MSRA: variants seen among roughly 807,000 people sequenced by gnomAD.
MSRA encodes methionine sulfoxide reductase A.
A neutral mutation model predicts 31.3 loss-of-function variants in MSRA; 54 were observed. The observed-to-expected ratio is 1.73, with a 90% CI of 1.39 to 2.17. The LOEUF is 2.17. MSRA is among the 30% of genes most tolerant of loss of function. The probability of loss-of-function intolerance (pLI) is 0.00; values close to 1 mark genes in which losing one functional copy is unlikely to be tolerated. For synonymous variants in MSRA, 169 were observed against 116.5 expected (o/e 1.45, Z -2.90); for missense variants, 507 against 300.9 (o/e 1.69, Z -5.07).
chr8:10,263,391 G>C (rs1390153823), intron 3 of MSRA, among the ~76,000 whole-genome samples: 1 of 152,188 alleles, frequency 6.6e-6, no homozygotes, highest in East Asian at 1.9e-4. Context: ...TAAAGGACTT[G>C]AGTTCTACCA....
chr8:10,328,693 A>G (rs1802520119), intron 5 of MSRA, among the ~76,000 whole-genome samples: 1 of 152,210 alleles, frequency 6.6e-6, no homozygotes, highest in South Asian at 2.1e-4. Flanking sequence ...ACTTCTAATC[A>G]GAGAGCCTAA....
chr8:10,244,431 A>G (rs1488054632), intron 2 of MSRA, among the ~76,000 whole-genome samples: 1 of 152,192 alleles, frequency 6.6e-6, no homozygotes, highest in Non-Finnish European at 1.5e-5. Flanking sequence ...AATGTTTGCT[A>G]GTTGAATGGA....
At chr8:10,139,400 G>A (rs958873964) in intron 1 of MSRA, among the ~76,000 whole-genome samples, 1 of 152,050 alleles carries the variant, frequency 6.6e-6, no homozygotes, top group South Asian at 2.1e-4. Flanking sequence ...ATTCGGGGGC[G>A]GGGGACAAGT....
At chr8:10,413,235 C>T (rs1490627488) in intron 5 of MSRA, among the ~76,000 whole-genome samples, 1 of 152,174 alleles carries the variant, frequency 6.6e-6, no homozygotes, top group Non-Finnish European at 1.5e-5. Flanking sequence ...TGCTCTAGCG[C>T]ACACACAGCC....
At chr8:10,407,087 G>T (rs1293521420) in intron 5 of MSRA, among the ~76,000 whole-genome samples, 1 of 152,288 alleles carries the variant, frequency 6.6e-6, no homozygotes, top group South Asian at 2.1e-4. Context: ...GTGTTACCCA[G>T]GCTGATCTTG....
At chr8:10,260,262 C>T (rs1433937459) in intron 3 of MSRA, among the ~76,000 whole-genome samples, 1 of 152,174 alleles carries the variant, frequency 6.6e-6, no homozygotes, top group Non-Finnish European at 1.5e-5. Flanking sequence ...AGGGATCTCA[C>T]ATGACAAGTA....
At chr8:10,128,114 A>G (rs1205933336) in intron 1 of MSRA, among the ~76,000 whole-genome samples, 1 of 152,128 alleles carries the variant, frequency 6.6e-6, no homozygotes, top group East Asian at 1.9e-4. Context: ...GCGATGGCTC[A>G]CACCTGTAAT....
At chr8:10,184,877 C>G (rs1202240874) in intron 1 of MSRA, among the ~76,000 whole-genome samples, 1 of 152,170 alleles carries the variant, frequency 6.6e-6, no homozygotes, top group Non-Finnish European at 1.5e-5. Flanking sequence ...GAAAAATAGC[C>G]TGATTTTATC....
At chr8:10,081,197 G>A (rs559162503) in intron 1 of MSRA, among the ~76,000 whole-genome samples, 28 of 152,204 alleles carry the variant, frequency 1.8e-4, no homozygotes, top group Admixed American at 3.9e-4. Context: ...GAACTAGGCG[G>A]ATGGGGCAGT....
intron 1 of MSRA, among the ~76,000 whole-genome samples, chr8:10,056,406 C>G (rs935736634): frequency 6.6e-6 from 1 of 152,068 alleles, no homozygotes; most frequent in African/African-American, 2.4e-5. Flanking sequence ...TTTCTTATCC[C>G]CATCATAACT....
chr8:10,151,478 C>T (rs1355561991), intron 1 of MSRA, among the ~76,000 whole-genome samples: 2 of 151,620 alleles, frequency 1.3e-5, no homozygotes, highest in Non-Finnish European at 2.9e-5. Flanking sequence ...CCCGTCTCTA[C>T]TAAAAATACA....
At chr8:10,153,447 A>T (rs143984299) in intron 1 of MSRA, among the ~76,000 whole-genome samples, 4 of 151,712 alleles carry the variant, frequency 2.6e-5, no homozygotes, top group African/African-American at 4.8e-5. Context: ...ACTCCCTCAC[A>T]TTTGGTTGTC....
rs184516831 is a variant in MSRA, at chr8:10,198,269, T to A, written c.143-9564T>A. ...ACAGCATCACCATGCTTCCTTCTTG[T>A]TATTTTCCTTGACTTTGTTCTTTAC... On this transcript the variant is annotated intron_variant, in intron 1 of 5. Transcript: ENST00000317173. 2.2e-3 allele frequency among the ~76,000 whole-genome samples: 328 copies of A among 152,252 alleles called. 2 individuals carry two copies. Among genetic ancestry groups the A allele is most frequent in the African/African-American group, 7.4e-3 (309 of 41,566 alleles).
At chr8:10,218,588 C>G (rs947794916) in intron 2 of MSRA, among the ~76,000 whole-genome samples, 29 of 152,268 alleles carry the variant, frequency 1.9e-4, no homozygotes, top group Admixed American at 1.8e-3. Context: ...AGAGACTTCT[C>G]TTTATCAACT....
intron 1 of MSRA, among the ~76,000 whole-genome samples, chr8:10,088,646 G>A (rs1249113978): frequency 6.6e-6 from 1 of 152,152 alleles, no homozygotes; most frequent in Non-Finnish European, 1.5e-5. Context: ...TGGGGCGAGA[G>A]AATCGTTTGA....
At chr8:10,093,486 G>T (rs916498682) in intron 1 of MSRA, among the ~76,000 whole-genome samples, 3 of 152,006 alleles carry the variant, frequency 2.0e-5, no homozygotes, top group South Asian at 2.1e-4. Context: ...TACTCTTATT[G>T]TCACATGTTA....
chr8:10,198,177 GAATA>G (rs1395762951), intron 1 of MSRA, among the ~76,000 whole-genome samples: 1 of 151,988 alleles, frequency 6.6e-6, no homozygotes, highest in Non-Finnish European at 1.5e-5. Context: ...AAAAATTTGG[GAATA>G]AATAAAAGTA....
chr8:10,174,280 T>G (rs1273401397), intron 1 of MSRA, among the ~76,000 whole-genome samples: 2 of 151,952 alleles, frequency 1.3e-5, no homozygotes, highest in Non-Finnish European at 2.9e-5. Context: ...AGGACACAGA[T>G]AGAGGAGCTT....
intron 5 of MSRA, among the ~76,000 whole-genome samples, chr8:10,354,848 T>C (rs954043317): frequency 6.6e-6 from 1 of 151,742 alleles, no homozygotes; most frequent in African/African-American, 2.4e-5. Flanking sequence ...ATACCATAGC[T>C]TATTTAACGG....
Sources: allele counts gnomAD v4.1 joint callset (sites outside exome capture counted in the v4.1 genomes callset), GRCh38; gene constraint gnomAD v4.1.1; transcripts MANE v1.5; gene names NCBI Gene and HGNC (gene_info 2026-07-23, HGNC 2026-07-21).